MAP4K3: variants seen among roughly 807,000 people sequenced by gnomAD.
MAP4K3 encodes the protein MAPK/ERK kinase kinase kinase 3.
Under a neutral mutation model 143.5 loss-of-function variants are expected in MAP4K3, and 94 were observed. The ratio of observed to expected loss-of-function variants is 0.65; its 90% CI spans 0.55 to 0.78. The LOEUF is 0.78. MAP4K3 is among the 30% of genes least tolerant of loss of function. MAP4K3 has a pLI of 0.00. For missense variants in MAP4K3, 1,077 were observed against 1,068.1 expected, an observed-to-expected ratio of 1.01 and a Z score of -0.12; for synonymous variants, 416 against 347.2, an observed-to-expected ratio of 1.20 and a Z score of -2.20.
chr2:39,272,157 ATTAC>A (rs1207568896), intron 26 of MAP4K3, 122 bp downstream of exon 26: 7 of 686,350 alleles, frequency 1.0e-5, no homozygotes, highest in Admixed American at 8.2e-5. Flanking sequence ...GTTAATGTAT[ATTAC>A]TTATTATTTT....
intron 27 of MAP4K3, among the ~76,000 whole-genome samples, chr2:39,266,741 T>C (rs1420378749): frequency 6.6e-6 from 1 of 152,040 alleles, no homozygotes; most frequent in Non-Finnish European, 1.5e-5. Flanking sequence ...TACATGCAAA[T>C]AGAACAACTA....
chr2:39,292,714 T>A (rs1682098822), intron 18 of MAP4K3, 59 bp downstream of exon 18: 2 of 1,351,598 alleles, frequency 1.5e-6, no homozygotes, highest in Non-Finnish European at 2.1e-6. Context: ...GCTGCCAGAT[T>A]GATGAAATCA....
rs777708749 is a variant in MAP4K3, at chr2:39,272,536, G to A, written c.1801C>T (p.Pro601Ser). Reference sequence around the variant, plus strand: ...ACATACAACCATGTACACCTTCGAGGGAATAGCTGATTAAAAAAAGGCACA... The same window carrying A: ...ACATACAACCATGTACACCTTCGAGAGAATAGCTGATTAAAAAAAGGCACA... ...LHETSMEQLF[P>S]RRCTWLYVMN... is the part of the protein sequence containing the mutation. Residue 601 changes from proline (P) to serine (S), a missense_variant, in exon 25 of 34, where the codon CCT (proline) becomes TCT (serine). Coordinates refer to ENST00000263881, the MANE Select transcript of MAP4K3 (RefSeq NM_003618.4). 1.2e-6 allele frequency: 2 copies of A among 1,612,412 alleles called. No homozygotes were observed. Among genetic ancestry groups the A allele is most frequent in the South Asian group, 2.2e-5 (2 of 90,884 alleles).
intron 3 of MAP4K3, among the ~76,000 whole-genome samples, chr2:39,355,143 T>A (rs546826874): frequency 2.0e-5 from 3 of 152,196 alleles, no homozygotes; most frequent in Non-Finnish European, 4.4e-5. Flanking sequence ...GGCAGGCAGA[T>A]CACGAGGTCA....
At chr2:39,265,114 A>C in intron 28 of MAP4K3, 89 bp downstream of exon 28, 1 of 958,910 alleles carries the variant, frequency 1.0e-6, no homozygotes, top group East Asian at 2.4e-5. Context: ...ATTAACTTGA[A>C]AATTAACTGA....
At chr2:39,267,349 G>A (rs1680807971) in intron 26 of MAP4K3, 102 bp from the exon 27 acceptor site, 8 of 850,552 alleles carry the variant, frequency 9.4e-6, no homozygotes, top group African/African-American at 6.7e-5. Flanking sequence ...TTCAAAACTG[G>A]TGCTGACATA....
At chr2:39,337,024 G>A in intron 5 of MAP4K3, 57 bp from the exon 6 acceptor site, 1 of 856,060 alleles carries the variant, frequency 1.2e-6, no homozygotes, top group Admixed American at 2.4e-5. Context: ...CACTCTTTTG[G>A]ATTTTATGTA....
chr2:39,313,667 C>T lies in MAP4K3; in HGVS notation c.997+1643G>A, dbSNP rs1367297891. Among the ~76,000 whole-genome samples, 7 of 152,240 alleles carry T rather than the reference C, an allele frequency of 4.6e-5. No individual in the cohort carries two copies. The East Asian group carries it at 1.2e-3, about 25-fold the overall frequency. ...AGCTGGGACTACAGGCACACACCAA[C>T]AGGCCCGGCTAATTTTTGTATTTTT... On this transcript the variant is annotated intron_variant, in intron 13 of 33. Transcript: ENST00000263881.
chr2:39,263,129 T>C (rs746532710), intron 28 of MAP4K3, among the ~76,000 whole-genome samples: 3 of 151,970 alleles, frequency 2.0e-5, no homozygotes, highest in Non-Finnish European at 4.4e-5. Flanking sequence ...GCAAAAACTG[T>C]CAGAAATGTC....
In MAP4K3 at chr2:39,431,762, T is replaced by G. The variant is rs747749612; in HGVS notation, c.96+5130A>C. Among the ~76,000 whole-genome samples, 90 of 152,208 alleles carry G rather than the reference T, an allele frequency of 5.9e-4. 1 individual carries two copies. Among genetic ancestry groups the G allele is most frequent in the Non-Finnish European group, 4.7e-4 (32 of 68,038 alleles). ...TCTAGACACTAACAGCAATTAACAATGACCACACTTTTTTGTGTCAGGTAC... is the reference window on the plus strand; with the variant it reads ...TCTAGACACTAACAGCAATTAACAAGGACCACACTTTTTTGTGTCAGGTAC... On this transcript the variant is annotated intron_variant, in intron 1 of 33. Coordinates refer to ENST00000263881, the MANE Select transcript of MAP4K3 (RefSeq NM_003618.4).
At chr2:39,322,246 A>G (rs1012689) in intron 12 of MAP4K3, among the ~76,000 whole-genome samples, 105,384 of 152,060 alleles carry the variant, frequency 0.69, 39,574 homozygotes, top group Non-Finnish European at 0.84. Flanking sequence ...AAACCAAACA[A>G]AAACAGGTAA....
At chr2:39,369,193 G>GTTTTTTTGTTTTT (rs747293878) in intron 2 of MAP4K3, among the ~76,000 whole-genome samples, 5 of 37,968 alleles carry the variant, frequency 1.3e-4, no homozygotes, top group African/African-American at 2.9e-4. Context: ...CTTTGGGCTA[G>GTTTTTTTGTTTTT]TTTTTTTTTT....
chr2:39,303,817 G>A (rs112438422), intron 15 of MAP4K3, among the ~76,000 whole-genome samples: 5,146 of 152,286 alleles, frequency 0.034, 127 homozygotes, highest in South Asian at 0.057. Context: ...GATTATAGGC[G>A]TGAGCTACCA....
chr2:39,399,207 T>C (rs1666890374), intron 1 of MAP4K3, among the ~76,000 whole-genome samples: 1 of 152,224 alleles, frequency 6.6e-6, no homozygotes, highest in South Asian at 2.1e-4. Flanking sequence ...AGCCACATTG[T>C]TTACCTTGTT....
intron 1 of MAP4K3, among the ~76,000 whole-genome samples, chr2:39,423,335 A>T (rs1382503192): frequency 6.6e-6 from 1 of 152,246 alleles, no homozygotes; most frequent in Non-Finnish European, 1.5e-5. Flanking sequence ...AAAGTGCTAC[A>T]GTCACTTTGG....
rs1558646044 is a variant in MAP4K3 at position 39,322,654 on chromosome 2, ATTTTTC to A, written c.918+2858_918+2863del. Among the ~76,000 whole-genome samples the A allele has an allele frequency of 4.8e-5, 7 of 146,988 alleles. No homozygotes were observed. In the East Asian group the frequency reaches 1.0e-3, roughly 21 times the overall value. On this transcript the variant is annotated intron_variant, in intron 12 of 33. Coordinates refer to ENST00000263881, the MANE Select transcript of MAP4K3 (RefSeq NM_003618.4). ...TATAGATAAATACACATATATATAT[ATTTTTC>A]TTTTTCTATTTTTTGTTTTTTTTTT...
chr2:39,401,467 C>A (rs986049308), intron 1 of MAP4K3, among the ~76,000 whole-genome samples: 5 of 152,136 alleles, frequency 3.3e-5, no homozygotes, highest in Admixed American at 6.6e-5. Context: ...TAGCTGTAGG[C>A]TACCAGCTGC....
intron 8 of MAP4K3, among the ~76,000 whole-genome samples, chr2:39,327,112 A>C (rs1398968138): frequency 6.6e-6 from 1 of 152,204 alleles, no homozygotes; most frequent in African/African-American, 2.4e-5. Context: ...CTCTCTGTAC[A>C]TGCAAAATTC....
chr2:39,364,814 G>A (rs982078711), intron 2 of MAP4K3, among the ~76,000 whole-genome samples: 3 of 147,744 alleles, frequency 2.0e-5, no homozygotes, highest in Non-Finnish European at 4.4e-5. Context: ...CTTGCAGTGA[G>A]CCAGGATGGT....
Sources: allele counts gnomAD v4.1 joint callset (sites outside exome capture counted in the v4.1 genomes callset), GRCh38; gene constraint gnomAD v4.1.1; transcripts MANE v1.5; gene names NCBI Gene and HGNC (gene_info 2026-07-23, HGNC 2026-07-21).